The following ZMYM2 variants were observed in gnomAD, a reference collection of about 807,000 sequenced individuals.
The protein encoded by ZMYM2 is zinc finger MYM-type containing 2.
ZMYM2 carries 56 observed loss-of-function variants against 162.8 expected under a neutral mutation model. The ratio of observed to expected loss-of-function variants is 0.34; its 90% CI spans 0.28 to 0.43. The LOEUF (loss-of-function observed/expected upper bound fraction) is 0.43, where lower values mean the gene tolerates loss of function less well. Among genes scored for constraint, ZMYM2 ranks in the 20% least tolerant of loss-of-function variants. ZMYM2 has a pLI of 1.00. For missense variants in ZMYM2, 1,275 were observed against 1,621.8 expected (o/e 0.79, Z 3.67); for synonymous variants, 510 against 541.6 (o/e 0.94, Z 0.81).
At chr13:19,959,020 C>G (rs1450487405) in intron 1 of ZMYM2, among the ~76,000 whole-genome samples, 179 bp downstream of exon 1, 2 of 151,832 alleles carry the variant, frequency 1.3e-5, no homozygotes, top group Non-Finnish European at 2.9e-5. Flanking sequence ...GCGCGGCCGC[C>G]GTCGCCGCTG....
the ZMYM2 span, among the ~76,000 whole-genome samples, chr13:19,913,007 T>C: frequency 6.6e-6 from 1 of 152,146 alleles, no homozygotes; most frequent in Non-Finnish European, 1.5e-5. Flanking sequence ...AACAAAAAAG[T>C]TGCTAGTATT....
chr13:19,901,130 G>C, the ZMYM2 span, among the ~76,000 whole-genome samples: 1 of 152,008 alleles, frequency 6.6e-6, no homozygotes, highest in African/African-American at 2.4e-5. Context: ...CTCTTATAAG[G>C]GCATCAATGC....
chr13:19,996,333 C>G (rs1950015459), intron 3 of ZMYM2, among the ~76,000 whole-genome samples: 1 of 152,132 alleles, frequency 6.6e-6, no homozygotes, highest in African/African-American at 2.4e-5. Flanking sequence ...GTCATCCCAG[C>G]ACTTTGGGAG....
At chr13:20,018,310 C>A (rs1162483990) in intron 6 of ZMYM2, among the ~76,000 whole-genome samples, 1 of 152,122 alleles carries the variant, frequency 6.6e-6, no homozygotes, top group Non-Finnish European at 1.5e-5. Context: ...TAATTACATA[C>A]TATATGTTCA....
At chr13:19,905,363 GAGGCACAACCATCC>G in the ZMYM2 span, among the ~76,000 whole-genome samples, 3 of 152,036 alleles carry the variant, frequency 2.0e-5, no homozygotes, top group Admixed American at 1.3e-4. Context: ...CCTGATCCTG[GAGGCACAACCATCC>G]AGGCACAACC....
At chr13:19,980,971 C>T (rs946273057) in intron 2 of ZMYM2, among the ~76,000 whole-genome samples, 4 of 151,714 alleles carry the variant, frequency 2.6e-5, no homozygotes, top group East Asian at 2.0e-4. Context: ...GATGAATTCA[C>T]GGATTTAAGC....
chr13:20,041,480 C>T (rs1954241641), intron 12 of ZMYM2, among the ~76,000 whole-genome samples: 1 of 152,142 alleles, frequency 6.6e-6, no homozygotes, highest in Admixed American at 6.6e-5. Flanking sequence ...AGATAGCATA[C>T]CAATGGGTCT....
At chr13:19,963,833 C>CTT (rs1555274237) in intron 2 of ZMYM2, among the ~76,000 whole-genome samples, 1 of 152,064 alleles carries the variant, frequency 6.6e-6, no homozygotes, top group African/African-American at 2.4e-5. Flanking sequence ...TTTTTAAACT[C>CTT]TTTTTAAGAG....
At chr13:19,977,691 T>G (rs1161299188) in intron 2 of ZMYM2, among the ~76,000 whole-genome samples, 1 of 148,642 alleles carries the variant, frequency 6.7e-6, no homozygotes, top group East Asian at 2.0e-4. Flanking sequence ...GGGGTTTCAC[T>G]GTGTTAGCCA....
intron 7 of ZMYM2, among the ~76,000 whole-genome samples, chr13:20,023,427 A>G (rs1326823481): frequency 6.6e-6 from 1 of 152,210 alleles, no homozygotes; most frequent in African/African-American, 2.4e-5. Context: ...TATATGTAGA[A>G]GGAAAATTTG....
At chr13:19,866,516 G>A in the ZMYM2 span, among the ~76,000 whole-genome samples, 18 of 151,684 alleles carry the variant, frequency 1.2e-4, no homozygotes, top group Admixed American at 2.0e-4. Flanking sequence ...AAGTACAAAA[G>A]TAGCCGGGCG....
the ZMYM2 span, among the ~76,000 whole-genome samples, chr13:19,918,068 G>T: frequency 3.3e-5 from 5 of 150,794 alleles, no homozygotes; most frequent in Admixed American, 3.3e-4. Context: ...AAAAACAAAA[G>T]AAAAAGAAAA....
the ZMYM2 span, among the ~76,000 whole-genome samples, chr13:19,925,348 A>G: frequency 6.6e-6 from 1 of 152,150 alleles, no homozygotes; most frequent in Non-Finnish European, 1.5e-5. Context: ...TAGGTCTTAA[A>G]TGTTATCAAG....
the ZMYM2 span, among the ~76,000 whole-genome samples, chr13:19,929,668 G>T: frequency 6.6e-6 from 1 of 152,056 alleles, no homozygotes; most frequent in African/African-American, 2.4e-5. Flanking sequence ...GATTTATCAT[G>T]CTCATGGGTG....
At chr13:19,884,868 G>A in the ZMYM2 span, among the ~76,000 whole-genome samples, 18 of 152,080 alleles carry the variant, frequency 1.2e-4, no homozygotes, top group African/African-American at 4.1e-4. Context: ...TTGCGGGTGC[G>A]GGTGGCCGGC....
chr13:19,884,451 G>A, the ZMYM2 span, among the ~76,000 whole-genome samples: 1 of 152,060 alleles, frequency 6.6e-6, no homozygotes, highest in Non-Finnish European at 1.5e-5. Context: ...GGCGGCGGGC[G>A]GCCGTGGTCC....
At chr13:20,013,402 GTTCTACTTTT>G (rs1951356166) in intron 6 of ZMYM2, among the ~76,000 whole-genome samples, 1 of 152,120 alleles carries the variant, frequency 6.6e-6, no homozygotes, top group African/African-American at 2.4e-5. Context: ...AATAGAGATA[GTTCTACTTTT>G]TTCCAATTCG....
intron 2 of ZMYM2, among the ~76,000 whole-genome samples, chr13:19,968,705 A>C (rs1594071834): frequency 6.6e-6 from 1 of 152,250 alleles, no homozygotes; most frequent in African/African-American, 2.4e-5. Context: ...ACTCCATTGT[A>C]GCCAGATTAA....
the ZMYM2 span, among the ~76,000 whole-genome samples, chr13:19,896,840 C>T: frequency 6.6e-6 from 1 of 150,614 alleles, no homozygotes; most frequent in South Asian, 2.1e-4. Context: ...TTGGGGAGGC[C>T]GAGGCGGGTG....
Sources: allele counts gnomAD v4.1 joint callset (sites outside exome capture counted in the v4.1 genomes callset), GRCh38; gene constraint gnomAD v4.1.1; transcripts MANE v1.5; gene names NCBI Gene and HGNC (gene_info 2026-07-23, HGNC 2026-07-21).